Variants in B4GALT6 observed in about 807,000 individuals in gnomAD.
The protein encoded by B4GALT6 is UDP-Gal:beta-GlcNAc beta-1,4-galactosyltransferase 6.
B4GALT6 carries 14 observed loss-of-function variants against 46.3 expected under a neutral mutation model. The ratio of observed to expected loss-of-function variants is 0.30; its 90% CI spans 0.20 to 0.47. The LOEUF (loss-of-function observed/expected upper bound fraction) is 0.47. B4GALT6 is among the 20% of genes least tolerant of loss of function. B4GALT6 has a pLI of 0.99. For synonymous variants in B4GALT6, 168 were observed against 162.0 expected (o/e 1.04, Z -0.28); for missense variants, 386 against 480.1 (o/e 0.80, Z 1.83).
chr18:31,680,558 T>C lies in B4GALT6; in HGVS notation c.115+3754A>G, dbSNP rs1203597035. Among the ~76,000 whole-genome samples, 6 of 152,110 alleles carry C rather than the reference T, an allele frequency of 3.9e-5. No individual in the cohort carries two copies. The East Asian group carries it at 5.8e-4, about 15-fold the overall frequency. On this transcript the variant is annotated intron_variant, in intron 1 of 8. Coordinates refer to ENST00000306851, the MANE Select transcript of B4GALT6 (RefSeq NM_004775.5). Reference sequence around the variant, plus strand: ...AAGTGGCCCAACCAGATTTCACCTCTACCCAGAGAGCAAAACAGCCCGTCA... The same window carrying C: ...AAGTGGCCCAACCAGATTTCACCTCCACCCAGAGAGCAAAACAGCCCGTCA...
At chr18:31,646,950 A>C (rs1173576018) in intron 3 of B4GALT6, among the ~76,000 whole-genome samples, 1 of 152,258 alleles carries the variant, frequency 6.6e-6, no homozygotes, top group Non-Finnish European at 1.5e-5. Context: ...CAGCGTGACA[A>C]GATACACAAA....
rs191223832 is a variant in B4GALT6, at chr18:31,625,034, G to C, written c.*580C>G. On this transcript the variant is annotated 3_prime_UTR_variant, in exon 9 of 9. Coordinates refer to ENST00000306851, the MANE Select transcript of B4GALT6 (RefSeq NM_004775.5). ...AGCTGTGACTTCTTCCACACAAAAG[G>C]CTGAGGTCTAAAGCTCAAAACTAGT... is the stretch of plus-strand genomic sequence containing the variant. 6.6e-6 allele frequency: 1 copy of C among 152,594 alleles called. No individual in the cohort carries two copies. Among genetic ancestry groups the C allele is most frequent in the Non-Finnish European group, 1.5e-5 (1 of 68,034 alleles). 9.5% of individuals were successfully genotyped at this position (152,594 alleles called of 1,614,324 possible).
the B4GALT6 span, among the ~76,000 whole-genome samples, chr18:31,700,435 T>TGTGTG: frequency 2.1e-4 from 30 of 139,580 alleles, no homozygotes; most frequent in South Asian, 7.0e-4. Context: ...AATTGACTAT[T>TGTGTG]TGTGTGTGTG....
At chr18:31,653,613 T>A (rs1033329077) in intron 3 of B4GALT6, among the ~76,000 whole-genome samples, 7 of 151,770 alleles carry the variant, frequency 4.6e-5, no homozygotes, top group Admixed American at 1.3e-4. Context: ...GGCTAATTTT[T>A]GTGTGTGTGT....
In B4GALT6 at chr18:31,643,219, T is replaced by C. The variant is rs371774840; in HGVS notation, c.471+2136A>G. Among the ~76,000 whole-genome samples, 19 of 152,342 alleles carry C rather than the reference T, an allele frequency of 1.2e-4. No homozygotes were observed. In the East Asian group the frequency reaches 3.1e-3, roughly 25 times the overall value. On this transcript the variant is annotated intron_variant, in intron 4 of 8. Coordinates refer to ENST00000306851, the MANE Select transcript of B4GALT6 (RefSeq NM_004775.5). ...CCAAAATTCCTTTCATACCTTTAGT[T>C]GTGTAATTCTGAACTAGAGACTACA... is the stretch of plus-strand genomic sequence containing the variant.
chr18:31,625,469 G>T lies in B4GALT6; in HGVS notation c.*145C>A. The stretch of plus-strand genomic sequence containing the variant: ...GGTGAGAGAAGGGTGACTGTATATA[G>T]TCCCACTCTGTAAACACTGTGGACT... On this transcript the variant is annotated 3_prime_UTR_variant, in exon 9 of 9. Transcript: ENST00000306851. 1.2e-6 allele frequency: 1 copy of T among 836,120 alleles called. No homozygotes were observed. The highest frequency in any genetic ancestry group is 1.9e-6 in the Non-Finnish European group (1 of 532,894). 51.8% of individuals were successfully genotyped at this position (836,120 alleles called of 1,614,324 possible).
rs978363054 is a variant in B4GALT6 at position 31,624,200 on chromosome 18, T to A, written c.*1414A>T. 1.3e-5 allele frequency: 2 copies of A among 151,962 alleles called. No individual in the cohort carries two copies. Among genetic ancestry groups the A allele is most frequent in the African/African-American group, 4.8e-5 (2 of 41,412 alleles). 9.4% of individuals were successfully genotyped at this position (151,962 alleles called of 1,614,324 possible). ...GACACTCATGCAAACATGTAAGATA[T>A]TACATATAGAAGACATTATGGCATC... On this transcript the variant is annotated 3_prime_UTR_variant, in exon 9 of 9. Coordinates refer to ENST00000306851, the MANE Select transcript of B4GALT6 (RefSeq NM_004775.5).
At position 31,624,163 on chromosome 18, in the gene B4GALT6, G is replaced by C. The variant is rs2073655541; in HGVS notation, c.*1451C>G. The stretch of plus-strand genomic sequence containing the variant: ...AGAGAACAGTCATATGAAGATAACT[G>C]GACAAAGCCCTGACACTCATGCAAA... On this transcript the variant is annotated 3_prime_UTR_variant, in exon 9 of 9. Transcript: ENST00000306851. The C allele has an allele frequency of 6.6e-6, 1 of 151,876 alleles. No individual in the cohort carries two copies. Among genetic ancestry groups the C allele is most frequent in the Non-Finnish European group, 1.5e-5 (1 of 67,862 alleles). The allele number at this position is 151,876 out of a possible 1,614,324, so 9.4% of individuals were successfully genotyped here.
rs1418544741 is a variant in B4GALT6, at chr18:31,653,166, T to C, written c.346+4810A>G. ...TCACCTCATGGATGCCTAGGAATGA[T>C]GGAACCCACAAGGCCCTCAGATTCC... is the stretch of plus-strand genomic sequence containing the variant. On this transcript the variant is annotated intron_variant, in intron 3 of 8. Coordinates refer to ENST00000306851, the MANE Select transcript of B4GALT6 (RefSeq NM_004775.5). Among the ~76,000 whole-genome samples, 4 of 152,164 alleles carry C rather than the reference T, an allele frequency of 2.6e-5. No homozygotes were observed. The East Asian group carries it at 5.8e-4, about 22-fold the overall frequency.
chr18:31,700,576 C>A, the B4GALT6 span, among the ~76,000 whole-genome samples: 1 of 151,958 alleles, frequency 6.6e-6, no homozygotes, highest in African/African-American at 2.4e-5. Flanking sequence ...CCTGCCTCAG[C>A]CTCTCAAGTA....
intron 1 of B4GALT6, among the ~76,000 whole-genome samples, chr18:31,677,292 C>G (rs868656766): frequency 2.6e-5 from 4 of 152,212 alleles, no homozygotes; most frequent in Non-Finnish European, 5.9e-5. Flanking sequence ...AGCTAACTCT[C>G]CTATTTCAAC....
the B4GALT6 span, among the ~76,000 whole-genome samples, chr18:31,694,842 C>G: frequency 7.2e-5 from 11 of 152,272 alleles, no homozygotes; most frequent in African/African-American, 2.6e-4. Flanking sequence ...CAAATTTTAT[C>G]CATCTACATT....
chr18:31,701,469 T>C, the B4GALT6 span, among the ~76,000 whole-genome samples: 2 of 152,206 alleles, frequency 1.3e-5, no homozygotes, highest in Non-Finnish European at 2.9e-5. Flanking sequence ...CAGCTATTTC[T>C]TTATAGCAGT....
chr18:31,721,679 G>A, the B4GALT6 span, among the ~76,000 whole-genome samples: 2 of 152,170 alleles, frequency 1.3e-5, no homozygotes, highest in Non-Finnish European at 2.9e-5. Context: ...CAGAGTAGAA[G>A]GAATTTACCT....
At chr18:31,642,833 C>CA (rs1444531805) in intron 4 of B4GALT6, among the ~76,000 whole-genome samples, 1 of 152,150 alleles carries the variant, frequency 6.6e-6, no homozygotes, top group Non-Finnish European at 1.5e-5. Flanking sequence ...TACAAGCCTG[C>CA]ACCACCACGC....
At chr18:31,631,248 T>A in intron 5 of B4GALT6, 102 bp from the exon 6 acceptor site, 2 of 1,188,896 alleles carry the variant, frequency 1.7e-6, no homozygotes, top group Non-Finnish European at 2.3e-6. Context: ...GAGATGGGGT[T>A]TCACCATGTT....
intron 1 of B4GALT6, among the ~76,000 whole-genome samples, chr18:31,668,861 A>AC (rs2074314595): frequency 6.7e-6 from 1 of 150,146 alleles, no homozygotes; most frequent in Non-Finnish European, 1.5e-5. Context: ...AAAAAAAAAA[A>AC]CTAGCCAGGC....
the B4GALT6 span, among the ~76,000 whole-genome samples, chr18:31,691,593 A>G: frequency 1.3e-5 from 2 of 152,102 alleles, no homozygotes; most frequent in African/African-American, 4.8e-5. Context: ...GAATATTTCT[A>G]GACCATTTTC....
intron 1 of B4GALT6, among the ~76,000 whole-genome samples, chr18:31,682,430 C>T (rs940701642): frequency 1.3e-5 from 2 of 152,150 alleles, no homozygotes; most frequent in Non-Finnish European, 2.9e-5. Context: ...ATAAGACCTA[C>T]AAAAACAGAG....
Sources: allele counts gnomAD v4.1 joint callset (sites outside exome capture counted in the v4.1 genomes callset), GRCh38; gene constraint gnomAD v4.1.1; transcripts MANE v1.5; gene names NCBI Gene and HGNC (gene_info 2026-07-23, HGNC 2026-07-21).